Variants in SCN9A observed in about 807,000 individuals in gnomAD.
SCN9A encodes sodium channel protein type 9 subunit alpha.
Under a neutral mutation model 187.0 loss-of-function variants are expected in SCN9A, and 131 were observed. The observed-to-expected ratio is 0.70, with a 90% CI of 0.61 to 0.81. SCN9A has a LOEUF of 0.81. Ranked by LOEUF, SCN9A falls within the 30% of genes least tolerant of loss-of-function variation. SCN9A has a pLI of 0.00. For synonymous variants in SCN9A, 809 were observed against 808.6 expected, an observed-to-expected ratio of 1.00 and a Z score of -0.01; for missense variants, 2,252 against 2,396.6, an observed-to-expected ratio of 0.94 and a Z score of 1.26.
intron 26 of SCN9A, among the ~76,000 whole-genome samples, chr2:166,200,731 G>T (rs1435240593): frequency 6.6e-6 from 1 of 152,120 alleles, no homozygotes; most frequent in Admixed American, 6.5e-5. Context: ...TGCATCCCGG[G>T]ATCAAATGAT....
chr2:166,359,986 C>T (rs1700239285), intron 1 of SCN9A, among the ~76,000 whole-genome samples: 1 of 151,632 alleles, frequency 6.6e-6, no homozygotes, highest in Admixed American at 6.6e-5. Context: ...CTTTGGGAAG[C>T]CGAGGCAGGC....
At chr2:166,288,958 T>G (rs1697913693) in intron 9 of SCN9A, among the ~76,000 whole-genome samples, 1 of 152,112 alleles carries the variant, frequency 6.6e-6, no homozygotes, top group South Asian at 2.1e-4. Flanking sequence ...CTTTCAAATT[T>G]TAGGAACAGG....
intron 1 of SCN9A, among the ~76,000 whole-genome samples, chr2:166,336,476 G>T (rs1022729138): frequency 6.6e-5 from 10 of 152,006 alleles, no homozygotes; most frequent in African/African-American, 2.4e-4. Flanking sequence ...ATGGACACCT[G>T]GTGGGTAGAG....
chr2:166,329,227 G>A (rs1007100550), intron 1 of SCN9A, among the ~76,000 whole-genome samples: 17 of 152,072 alleles, frequency 1.1e-4, no homozygotes, highest in South Asian at 8.3e-4. Context: ...AACTACAAAA[G>A]ATTAAAGTAA....
At chr2:166,288,351 A>C (rs1697882291) in intron 10 of SCN9A, 86 bp downstream of exon 10, 1 of 994,478 alleles carries the variant, frequency 1.0e-6, no homozygotes, top group Admixed American at 2.4e-5. Context: ...ATCTAGCTGG[A>C]GAAGGCCAAG....
chr2:166,234,994 G>A (rs933114877), intron 20 of SCN9A, among the ~76,000 whole-genome samples: 4 of 152,006 alleles, frequency 2.6e-5, no homozygotes, highest in Non-Finnish European at 5.9e-5. Context: ...AACACCCCTC[G>A]CCATGTGATG....
chr2:166,345,525 CA>C (rs1371231255), intron 1 of SCN9A, among the ~76,000 whole-genome samples: 1 of 141,302 alleles, frequency 7.1e-6, no homozygotes, highest in Non-Finnish European at 1.5e-5. Context: ...AAAAAAGTAA[CA>C]AAAAAAAGTA....
chr2:166,346,859 CA>C lies in SCN9A; in HGVS notation c.-51+28837del, dbSNP rs1466151762. Among the ~76,000 whole-genome samples, 8 of 152,204 alleles carry C rather than the reference CA, an allele frequency of 5.3e-5. 1 individual carries two copies. Among genetic ancestry groups the C allele is most frequent in the African/African-American group, 1.9e-4 (8 of 41,538 alleles). ...AGGTGAAAAGCCAGGAGAGGAACAT[CA>C]GAAAGACACAAAAATACAGAAAAAC... On this transcript the variant is annotated intron_variant, in intron 1 of 26. Coordinates refer to ENST00000642356, the MANE Select transcript of SCN9A (RefSeq NM_001365536.1).
chr2:166,212,062 T>C (rs1694120653), intron 24 of SCN9A, among the ~76,000 whole-genome samples: 1 of 152,304 alleles, frequency 6.6e-6, no homozygotes, highest in South Asian at 2.1e-4. Flanking sequence ...AGTTTGAAAG[T>C]TAATTGATAA....
Position 166,328,350 on chromosome 2 carries a change from TC to T in SCN9A, c.-50-16545del, listed in dbSNP as rs1433383610. ...GGGGTTTGTTTTACAGCTTATTTCATCACCCAGGTATTAGACCTAGTACTCA... is the reference window on the plus strand; with the variant it reads ...GGGGTTTGTTTTACAGCTTATTTCATACCCAGGTATTAGACCTAGTACTCA... On this transcript the variant is annotated intron_variant, in intron 1 of 26. Coordinates refer to ENST00000642356, the MANE Select transcript of SCN9A (RefSeq NM_001365536.1). 6.6e-5 allele frequency among the ~76,000 whole-genome samples: 10 copies of T among 152,232 alleles called. No homozygotes were observed. In the East Asian group the frequency reaches 1.7e-3, roughly 26 times the overall value.
chr2:166,305,294 AGT>A (rs1698717802), intron 5 of SCN9A, among the ~76,000 whole-genome samples: 1 of 152,118 alleles, frequency 6.6e-6, no homozygotes, highest in Non-Finnish European at 1.5e-5. Context: ...AAATAAACTG[AGT>A]GTATATATAA....
chr2:166,295,566 A>T (rs1698262777), intron 7 of SCN9A, among the ~76,000 whole-genome samples: 1 of 152,172 alleles, frequency 6.6e-6, no homozygotes, highest in African/African-American at 2.4e-5. Flanking sequence ...AAAGACAGAA[A>T]AGGTACAGTA....
At chr2:166,313,177 A>T (rs1407192450) in intron 1 of SCN9A, among the ~76,000 whole-genome samples, 1 of 151,506 alleles carries the variant, frequency 6.6e-6, no homozygotes, top group African/African-American at 2.4e-5. Flanking sequence ...CTGAATAATT[A>T]AATAATATAA....
At chr2:166,264,597 A>G (rs2106446753) in intron 17 of SCN9A, among the ~76,000 whole-genome samples, 1 of 152,112 alleles carries the variant, frequency 6.6e-6, no homozygotes, top group South Asian at 2.1e-4. Flanking sequence ...GTTTTACTGT[A>G]AAATATTTTG....
At chr2:166,374,505 TA>T (rs1700639358) in intron 1 of SCN9A, among the ~76,000 whole-genome samples, 15 of 152,164 alleles carry the variant, frequency 9.9e-5, no homozygotes, top group Admixed American at 9.2e-4. Flanking sequence ...ACCATAATTA[TA>T]AGAAAAAATT....
In SCN9A at chr2:166,233,407, A is replaced by G; in HGVS notation, c.3857T>C (p.Ile1286Thr). ...AGCTCTCAGTGTCCGAAGGGATTTA[A>G]TGGGGCCAAGATCTGAGTAGCCAAG... ...NTLGYSDLGPIKSLRTLRALR... is the reference protein window; with the variant it reads ...NTLGYSDLGPTKSLRTLRALR... The change falls in exon 21 of 27, where the codon ATT becomes ACT. Residue 1286 changes from isoleucine to threonine, a missense_variant. Coordinates refer to ENST00000642356, the MANE Select transcript of SCN9A (RefSeq NM_001365536.1). The G allele has an allele frequency of 6.3e-7, 1 of 1,584,480 alleles. No homozygotes were observed. Among genetic ancestry groups the G allele is most frequent in the Non-Finnish European group, 8.6e-7 (1 of 1,168,870 alleles).
At chr2:166,294,832 A>G (rs953564205) in intron 7 of SCN9A, 170 bp from the exon 8 acceptor site, 3 of 462,728 alleles carry the variant, frequency 6.5e-6, no homozygotes, top group African/African-American at 4.0e-5. Flanking sequence ...TCAAATATTT[A>G]TTGATAATCT....
chr2:166,223,041 A>G (rs1266388507), intron 24 of SCN9A, among the ~76,000 whole-genome samples: 1 of 134,326 alleles, frequency 7.4e-6, no homozygotes, highest in Non-Finnish European at 1.6e-5. Context: ...AAACAAAAAC[A>G]AAAACCACCC....
chr2:166,278,064 G>A (rs1697315534), intron 15 of SCN9A, 76 bp downstream of exon 15: 1 of 1,267,008 alleles, frequency 7.9e-7, no homozygotes, highest in Non-Finnish European at 1.1e-6. Flanking sequence ...ATTCCCAAAA[G>A]TTTTTAAAAA....
Sources: gnomAD v4.1 joint callset for allele counts (sites outside exome capture counted in the v4.1 genomes callset) on GRCh38, gnomAD v4.1.1 for gene constraint, MANE v1.5 for transcripts, NCBI Gene and HGNC (gene_info 2026-07-23, HGNC 2026-07-21) for gene names.